Variants in DAB1 observed in about 807,000 individuals in gnomAD.
DAB1 encodes DAB adaptor protein 1, also known as disabled homolog 1.
A neutral mutation model predicts 64.6 loss-of-function variants in DAB1; 15 were observed. That is an observed-to-expected ratio of 0.23 (90% CI 0.16 to 0.36). The LOEUF (loss-of-function observed/expected upper bound fraction) is 0.36. DAB1 is among the 10% of genes least tolerant of loss of function. The pLI, the probability that DAB1 is intolerant of heterozygous loss-of-function variation, is 1.00. For missense variants in DAB1, 596 were observed against 706.7 expected (o/e 0.84, Z 1.78); for synonymous variants, 235 against 251.9 (o/e 0.93, Z 0.64).
chr1:58,103,790 C>T (rs1651472870), intron 5 of DAB1, among the ~76,000 whole-genome samples: 3 of 152,156 alleles, frequency 2.0e-5, no homozygotes, highest in South Asian at 2.1e-4. Context: ...CCCAAACTTC[C>T]ACCCTGTCTC....
chr1:57,198,760 G>A lies in DAB1; in HGVS notation c.68-53331C>T, dbSNP rs577016576. ...GTGACGTGTAAGCTGGACTCTGGAG[G>A]AGGAGAGGAGGTGATTAGGTGTTTC... On this transcript the variant is annotated intron_variant, in intron 2 of 14. Coordinates refer to ENST00000371236, the MANE Select transcript of DAB1 (RefSeq NM_001365792.1). Among the ~76,000 whole-genome samples the A allele has an allele frequency of 6.6e-4, 100 of 152,160 alleles. No homozygotes were observed. The South Asian group carries it at 0.02, about 31-fold the overall frequency.
At chr1:58,048,579 C>T in intron 5 of DAB1, 1 of 1,000,568 alleles carries the variant, frequency 1.0e-6, no homozygotes, top group Middle Eastern at 3.1e-4. Flanking sequence ...TCCCCACTGC[C>T]ACCATATCCA....
intron 3 of DAB1, chr1:58,343,518 C>T (rs1397514920): frequency 1.3e-5 from 2 of 152,162 alleles, no homozygotes; most frequent in African/African-American, 4.8e-5. Context: ...GCAAGGGACA[C>T]TATAGAGAAA....
chr1:57,016,826 A>G (rs1026251364), intron 11 of DAB1, among the ~76,000 whole-genome samples: 3 of 152,228 alleles, frequency 2.0e-5, no homozygotes, highest in African/African-American at 7.2e-5. Context: ...TTAAATGCCT[A>G]CAACACGCCA....
At chr1:57,462,207 C>T (rs1354303577) in intron 7 of DAB1, among the ~76,000 whole-genome samples, 1 of 152,026 alleles carries the variant, frequency 6.6e-6, no homozygotes, top group Non-Finnish European at 1.5e-5. Flanking sequence ...CCTCGGCCTC[C>T]CAAAGTGCTG....
At chr1:57,153,206 A>C (rs1232430362) in intron 2 of DAB1, among the ~76,000 whole-genome samples, 1 of 151,862 alleles carries the variant, frequency 6.6e-6, no homozygotes, top group Non-Finnish European at 1.5e-5. Flanking sequence ...TTGTATTTTT[A>C]GTGGAGATGG....
chr1:58,257,141 C>G (rs1338617202), intron 4 of DAB1, among the ~76,000 whole-genome samples: 1 of 152,200 alleles, frequency 6.6e-6, no homozygotes, highest in Admixed American at 6.5e-5. Context: ...TTATCCAGAG[C>G]CTACTGTGTG....
intron 1 of DAB1, among the ~76,000 whole-genome samples, chr1:57,378,603 A>T (rs972059982): frequency 5.3e-5 from 8 of 152,228 alleles, no homozygotes; most frequent in African/African-American, 1.7e-4. Flanking sequence ...TACAGTACAG[A>T]TGTGCAAATC....
intron 5 of DAB1, among the ~76,000 whole-genome samples, chr1:57,910,539 T>C (rs1644626579): frequency 6.6e-6 from 1 of 152,210 alleles, no homozygotes; most frequent in Non-Finnish European, 1.5e-5. Context: ...GTAAGTGATC[T>C]GTAATCAACG....
chr1:57,770,682 A>AAGTTTAATAATAAAAT (rs1649519186), intron 6 of DAB1, among the ~76,000 whole-genome samples: 1 of 152,182 alleles, frequency 6.6e-6, no homozygotes, highest in Admixed American at 6.5e-5. Flanking sequence ...CATCTAATAC[A>AAGTTTAATAATAAAAT]AGTTTAATAA....
At chr1:57,669,602 C>T (rs1445143873) in intron 6 of DAB1, among the ~76,000 whole-genome samples, 1 of 152,150 alleles carries the variant, frequency 6.6e-6, no homozygotes, top group Non-Finnish European at 1.5e-5. Context: ...GCACTGTATA[C>T]TAGCAGCTGT....
chr1:57,121,102 A>G, intron 4 of DAB1, among the ~76,000 whole-genome samples: 1 of 151,234 alleles, frequency 6.6e-6, no homozygotes, highest in East Asian at 2.0e-4. Flanking sequence ...GCAGAAAAGA[A>G]GAGGAAGAAG....
At chr1:58,243,193 T>C (rs1660375987) in intron 4 of DAB1, among the ~76,000 whole-genome samples, 1 of 151,864 alleles carries the variant, frequency 6.6e-6, no homozygotes, top group African/African-American at 2.4e-5. Context: ...AAATATTTGC[T>C]TGGAGAAAAA....
At chr1:57,414,537 G>A (rs1684349881) in intron 1 of DAB1, among the ~76,000 whole-genome samples, 1 of 152,128 alleles carries the variant, frequency 6.6e-6, no homozygotes, top group African/African-American at 2.4e-5. Context: ...ACAAATTTGT[G>A]TGACTCACTT....
intron 7 of DAB1, among the ~76,000 whole-genome samples, chr1:57,594,061 C>T (rs1645477771): frequency 6.6e-6 from 1 of 152,144 alleles, no homozygotes; most frequent in Non-Finnish European, 1.5e-5. Flanking sequence ...AAGAGGGATT[C>T]TGTTATCAGA....
intron 6 of DAB1, among the ~76,000 whole-genome samples, chr1:57,709,307 T>C (rs1647000659): frequency 1.3e-5 from 2 of 152,232 alleles, no homozygotes; most frequent in South Asian, 4.1e-4. Flanking sequence ...GACTATAGTT[T>C]ACATTGGTAG....
intron 3 of DAB1, among the ~76,000 whole-genome samples, chr1:58,438,111 C>A (rs962426161): frequency 3.3e-5 from 5 of 152,138 alleles, no homozygotes; most frequent in African/African-American, 1.2e-4. Flanking sequence ...TGGCTGCAAT[C>A]CGTCTGTCCT....
chr1:58,083,574 G>T (rs11207169), intron 5 of DAB1, among the ~76,000 whole-genome samples: 1 of 152,068 alleles, frequency 6.6e-6, no homozygotes, highest in Non-Finnish European at 1.5e-5. Flanking sequence ...TTCTTACAGC[G>T]AAATCAACCT....
intron 5 of DAB1, among the ~76,000 whole-genome samples, chr1:58,136,806 A>G (rs1310056020): frequency 3.9e-5 from 6 of 152,212 alleles, no homozygotes; most frequent in Admixed American, 3.9e-4. Context: ...GTATTCAGTG[A>G]CACCATGTGA....
Sources: allele counts gnomAD v4.1 joint callset (sites outside exome capture counted in the v4.1 genomes callset), GRCh38; gene constraint gnomAD v4.1.1; transcripts MANE v1.5; gene names NCBI Gene and HGNC (gene_info 2026-07-23, HGNC 2026-07-21).